The following COL5A2 variants were observed in gnomAD, a reference collection of about 807,000 sequenced individuals.
COL5A2 encodes collagen alpha-2(V) chain.
A neutral mutation model predicts 208.2 loss-of-function variants in COL5A2; 23 were observed. The observed-to-expected ratio is 0.11, with a 90% confidence interval of 0.08 to 0.16. COL5A2 has a LOEUF of 0.16. COL5A2 is among the 10% of genes least tolerant of loss of function. COL5A2 has a pLI of 1.00. For missense variants in COL5A2, 1,590 were observed against 1,956.4 expected, an observed-to-expected ratio of 0.81 and a Z score of 3.53; for synonymous variants, 625 against 628.5, an observed-to-expected ratio of 0.99 and a Z score of 0.08.
At chr2:189,183,235 C>T (rs1044174744), upstream of COL5A2, among the ~76,000 whole-genome samples, 1 of 152,084 alleles carries the variant, frequency 6.6e-6, no homozygotes, top group African/African-American at 2.4e-5. Context: ...CTGATTACTC[C>T]CTTAATACTG....
At chr2:189,424,171 A>G in the COL5A2 span, among the ~76,000 whole-genome samples, 1 of 152,236 alleles carries the variant, frequency 6.6e-6, no homozygotes, top group South Asian at 2.1e-4. Context: ...AAAACTGTGA[A>G]TAAATTAGGT....
chr2:189,268,408 A>G, the COL5A2 span, among the ~76,000 whole-genome samples: 1 of 152,098 alleles, frequency 6.6e-6, no homozygotes, highest in Admixed American at 6.6e-5. Flanking sequence ...ACCTCATGCT[A>G]TTTTTATATT....
chr2:189,238,354 T>A, the COL5A2 span, among the ~76,000 whole-genome samples: 1 of 152,190 alleles, frequency 6.6e-6, no homozygotes, highest in East Asian at 1.9e-4. Flanking sequence ...ACCTGATCTT[T>A]CCTGTACATT....
chr2:189,191,147 AAAAAC>A (rs780553828), intron 1 of COL5A2, among the ~76,000 whole-genome samples: 9 of 65,806 alleles, frequency 1.4e-4, no homozygotes, highest in South Asian at 5.9e-4. Flanking sequence ...CCATAAAAAA[AAAAAC>A]AAAAAACAAA....
chr2:189,106,575 T>G (rs1687152841), intron 2 of COL5A2, among the ~76,000 whole-genome samples: 1 of 151,362 alleles, frequency 6.6e-6, no homozygotes, highest in Non-Finnish European at 1.5e-5. Flanking sequence ...TTTTAGAGTT[T>G]TGAAACCTCT....
At chr2:189,236,630 T>G in the COL5A2 span, among the ~76,000 whole-genome samples, 1 of 151,768 alleles carries the variant, frequency 6.6e-6, no homozygotes, top group East Asian at 1.9e-4. Context: ...TGAGATCCTT[T>G]TTATAGGTCT....
chr2:189,426,413 T>C, the COL5A2 span, among the ~76,000 whole-genome samples: 21,630 of 152,218 alleles, frequency 0.14, 1,967 homozygotes, highest in South Asian at 0.21. Flanking sequence ...TTGTCTCTTA[T>C]CTGCCTATGA....
chr2:189,255,789 A>ACATGTT, the COL5A2 span, among the ~76,000 whole-genome samples: 1 of 152,332 alleles, frequency 6.6e-6, no homozygotes, highest in South Asian at 2.1e-4. Context: ...TGAATTATAA[A>ACATGTT]CATGTTATAA....
rs1378444405 is a variant in COL5A2 at position 189,072,071 on chromosome 2, G to A, written c.1127C>T (p.Ser376Phe). 2.5e-6 allele frequency: 4 copies of A among 1,608,994 alleles called. No homozygotes were observed. The highest frequency in any genetic ancestry group is 3.4e-6 in the Non-Finnish European group (4 of 1,176,682). Reference sequence around the variant, plus strand: ...TCCAGGATTTCCTGGAAAACCAGAAGAGCCTGGTATCCCAAGAGGACCCTA... The same window carrying A: ...TCCAGGATTTCCTGGAAAACCAGAAAAGCCTGGTATCCCAAGAGGACCCTA... The part of the protein sequence containing the change: ...GPMGPLGIPG[S>F]SGFPGNPGMK... The change falls in exon 18 of 54, where the codon TCT becomes TTT. Residue 376 changes from serine (S) to phenylalanine (F), a missense_variant. Physicochemically the swap from Ser to Phe is radical, Grantham distance 155 (BLOSUM62 -2). Transcript: ENST00000374866.
chr2:189,053,767 C>A, intron 37 of COL5A2, 128 bp downstream of exon 37: 1 of 912,698 alleles, frequency 1.1e-6, no homozygotes, highest in Non-Finnish European at 1.7e-6. Flanking sequence ...AAAGCAAAAG[C>A]TAAAAACCAG....
At chr2:189,306,653 C>T in the COL5A2 span, among the ~76,000 whole-genome samples, 5,618 of 152,244 alleles carry the variant, frequency 0.037, 119 homozygotes, top group Admixed American at 0.05. Context: ...TTTTATTACC[C>T]AACAAGTCAC....
At chr2:189,291,438 C>T in the COL5A2 span, among the ~76,000 whole-genome samples, 290 of 152,236 alleles carry the variant, frequency 1.9e-3, 1 homozygote, top group African/African-American at 6.9e-3. Context: ...ATGACAAATT[C>T]ATAAAATTGT....
At chr2:189,368,336 C>T in the COL5A2 span, among the ~76,000 whole-genome samples, 282 of 152,122 alleles carry the variant, frequency 1.9e-3, no homozygotes, top group Non-Finnish European at 2.9e-3. Context: ...TAATAAAAAC[C>T]ATCCACATCA....
At chr2:189,349,640 T>C in the COL5A2 span, among the ~76,000 whole-genome samples, 1 of 152,180 alleles carries the variant, frequency 6.6e-6, no homozygotes, top group Non-Finnish European at 1.5e-5. Context: ...GTAAATGTTT[T>C]AGGTTATGTT....
At chr2:189,117,370 G>C (rs1181744206) in intron 1 of COL5A2, among the ~76,000 whole-genome samples, 1 of 152,108 alleles carries the variant, frequency 6.6e-6, no homozygotes, top group East Asian at 1.9e-4. Flanking sequence ...AATTTTTATA[G>C]CCAACCTTAG....
intron 51 of COL5A2, among the ~76,000 whole-genome samples, chr2:189,037,381 C>G (rs902672723): frequency 6.6e-6 from 1 of 152,096 alleles, no homozygotes; most frequent in South Asian, 2.1e-4. Context: ...TATGCATTTG[C>G]ATACATGGGT....
the COL5A2 span, among the ~76,000 whole-genome samples, chr2:189,320,094 A>C: frequency 2.0e-5 from 3 of 152,250 alleles, no homozygotes; most frequent in Non-Finnish European, 2.9e-5. Context: ...ACAGACCTGC[A>C]GCTGAGGATT....
At chr2:189,324,486 C>T in the COL5A2 span, among the ~76,000 whole-genome samples, 12 of 152,232 alleles carry the variant, frequency 7.9e-5, no homozygotes, top group African/African-American at 2.9e-4. Flanking sequence ...ACAAACAACC[C>T]CATCAAGAAG....
At chr2:189,164,455 A>T (rs934881951) in intron 1 of COL5A2, among the ~76,000 whole-genome samples, 2 of 151,746 alleles carry the variant, frequency 1.3e-5, no homozygotes, top group South Asian at 4.2e-4. Context: ...GATGTTCTAG[A>T]TAGTTATATA....
Sources: allele counts gnomAD v4.1 joint callset (sites outside exome capture counted in the v4.1 genomes callset), GRCh38; gene constraint gnomAD v4.1.1; transcripts MANE v1.5; gene names NCBI Gene and HGNC (gene_info 2026-07-23, HGNC 2026-07-21).